ABCG4: variants seen among roughly 807,000 people sequenced by gnomAD.
ABCG4 encodes ATP binding cassette subfamily G member 4.
In ABCG4, 35 loss-of-function variants were observed where a neutral mutation model predicts 64.6. The ratio of observed to expected loss-of-function variants is 0.54; its 90% confidence interval spans 0.41 to 0.72. The LOEUF is 0.72. Among genes scored for constraint, ABCG4 ranks in the 30% least tolerant of loss-of-function variants. The pLI, the probability that ABCG4 is intolerant of heterozygous loss-of-function variation, is 0.00. For synonymous variants in ABCG4, 326 were observed against 348.2 expected (o/e 0.94, Z 0.71); for missense variants, 610 against 846.3 (o/e 0.72, Z 3.46).
rs551382399 is a variant in ABCG4 at position 119,158,440 on chromosome 11, A to G, written c.1167+108A>G. 124 of 1,549,520 alleles carry G rather than the reference A, an allele frequency of 8.0e-5. No individual in the cohort carries two copies. In the African/African-American group the frequency reaches 1.5e-3, roughly 19 times the overall value. ...GGGGACCCTCCCTCACAGCCCTGCA[A>G]TGTGCCTGTGGGGTCTCTGTGCCTG... On this transcript the variant is annotated intron_variant, in intron 10 of 14. Coordinates refer to ENST00000619701, the MANE Select transcript of ABCG4 (RefSeq NM_022169.5). The surrounding 1 kb of genome is among the most constrained non-coding windows in gnomAD (Gnocchi z 4.5).
Position 119,150,160 on chromosome 11 carries a change from G to T in ABCG4, c.195G>T (p.Glu65Asp). ...KRSAVDIEFV[E>D]LSYSVREGPC... ...CAGCCGTGGACATCGAGTTCGTGGA[G>T]CTGTCCTATTCCGTGCGGGAGGGGC... Residue 65 changes from glutamate to aspartate, a missense_variant, in exon 2 of 15, where the codon GAG becomes GAT. Glu to Asp is a conservative substitution (Grantham distance 45). Coordinates refer to ENST00000619701, the MANE Select transcript of ABCG4 (RefSeq NM_022169.5). This position sits in a 1 kb window ranked among gnomAD's most constrained non-coding sequence, Gnocchi z 4.3. 6.2e-7 allele frequency: 1 copy of T among 1,614,188 alleles called. No homozygotes were observed. The highest frequency in any genetic ancestry group is 2.2e-5 in the East Asian group (1 of 44,886).
chr11:119,155,934 A>T lies in ABCG4; in HGVS notation c.687-395A>T, dbSNP rs1277658909. 2 of 219,406 alleles carry T rather than the reference A, an allele frequency of 9.1e-6. No homozygotes were observed. Among genetic ancestry groups the T allele is most frequent in the Non-Finnish European group, 1.9e-5 (2 of 107,890 alleles). The allele number at this position is 219,406 out of a possible 1,614,324, so 13.6% of individuals were successfully genotyped here. ...CTCTTACTCCTGGGCTCGCTCAGGA[A>T]CCTTCTCTGACTACCCTCCAACACC... On this transcript the variant is annotated intron_variant, in intron 6 of 14. Coordinates refer to ENST00000619701, the MANE Select transcript of ABCG4 (RefSeq NM_022169.5). The surrounding 1 kb of genome is among the most constrained non-coding windows in gnomAD (Gnocchi z 4.5).
In ABCG4 at chr11:119,154,546, A is replaced by C. The variant is rs1235117327; in HGVS notation, c.511A>C (p.Ser171Arg). ...AMMVSANLKL[S>R]EKQEVKKELV... ...CCAGGTCTCTGCTAACCTGAAGCTG[A>C]GTGAGAAGCAGGAGGTGAAGAAGGA... is the stretch of plus-strand genomic sequence containing the variant. The change falls in exon 5 of 15, where the codon AGT becomes CGT. Residue 171 changes from serine (S) to arginine (R), a missense_variant. Transcript: ENST00000619701. This position sits in a 1 kb window ranked among gnomAD's most constrained non-coding sequence, Gnocchi z 7.0. The C allele has an allele frequency of 4.3e-6, 7 of 1,613,606 alleles. No individual in the cohort carries two copies. Among genetic ancestry groups the C allele is most frequent in the Admixed American group, 1.7e-5 (1 of 59,836 alleles).
chr11:119,153,892 G>A, intron 2 of ABCG4, 134 bp from the exon 3 acceptor site: 1 of 751,692 alleles, frequency 1.3e-6, no homozygotes. Flanking sequence ...TATAAGGGTT[G>A]TTCCTCCATC....
rs1948307770 is a variant in ABCG4 at position 119,158,922 on chromosome 11, C to A, written c.1430C>A (p.Pro477His). 6.2e-7 allele frequency: 1 copy of A among 1,614,038 alleles called. No homozygotes were observed. The highest frequency in any genetic ancestry group is 1.3e-5 in the African/African-American group (1 of 74,930). The part of the protein sequence containing the change: ...YYLAKTMADV[P>H]FQVVCPVVYC... The stretch of plus-strand genomic sequence containing the variant: ...CTGGCCAAGACCATGGCTGACGTGC[C>A]CTTTCAGGTGGGCCTCTTCCTCCCA... Residue 477 changes from proline to histidine, a missense_variant, in exon 12 of 15, where the codon CCC becomes CAC. By Grantham distance (77) the Pro-to-His change is moderately conservative. Transcript: ENST00000619701. This position sits in a 1 kb window ranked among gnomAD's most constrained non-coding sequence, Gnocchi z 4.5.
In ABCG4 at chr11:119,160,376, C is replaced by G; in HGVS notation, c.1587C>G (p.Asn529Lys). The G allele has an allele frequency of 6.2e-7, 1 of 1,610,618 alleles. No homozygotes were observed. Among genetic ancestry groups the G allele is most frequent in the Non-Finnish European group, 8.5e-7 (1 of 1,177,312 alleles). Residue 529 changes from asparagine (N) to lysine (K), a missense_variant, in exon 13 of 15, where the codon AAC becomes AAG. Transcript: ENST00000619701. The surrounding 1 kb of genome is among the most constrained non-coding windows in gnomAD (Gnocchi z 4.6). Reference protein sequence around the residue: ...SLGLLIGAASNSLQVATFVGP... With the variant: ...SLGLLIGAASKSLQVATFVGP... ...GGCTGCTGATCGGAGCTGCTTCCAACTCCCTACAGGTGGGAGGGCTGGCAG... is the reference window on the plus strand; with the variant it reads ...GGCTGCTGATCGGAGCTGCTTCCAAGTCCCTACAGGTGGGAGGGCTGGCAG...
At position 119,154,667 on chromosome 11, in the gene ABCG4, G is replaced by A; in HGVS notation, c.540+92G>A. ...CTGGGAGTGGGAGAGTGGTGGCCTA[G>A]GCCGAGACAATGCACTTAAGGGAGA... On this transcript the variant is annotated intron_variant, in intron 5 of 14. Transcript: ENST00000619701. This position sits in a 1 kb window ranked among gnomAD's most constrained non-coding sequence, Gnocchi z 7.0. 1.3e-6 allele frequency: 2 copies of A among 1,596,036 alleles called. No individual in the cohort carries two copies. Among genetic ancestry groups the A allele is most frequent in the Non-Finnish European group, 1.7e-6 (2 of 1,170,674 alleles).
chr11:119,153,877 G>A lies in ABCG4; in HGVS notation c.239-149G>A, dbSNP rs558491860. On this transcript the variant is annotated intron_variant, in intron 2 of 14. Transcript: ENST00000619701. ...GGGATGAGAGGGATGGGTTCCTGCC[G>A]GGGCTATAAGGGTTGTTCCTCCATC... The A allele has an allele frequency of 6.0e-4, 411 of 689,780 alleles. 8 individuals carry two copies. In the South Asian group the frequency reaches 6.5e-3, roughly 11 times the overall value. The allele number at this position is 689,780 out of a possible 1,614,324, so 42.7% of individuals were successfully genotyped here.
At position 119,156,603 on chromosome 11, in the gene ABCG4, G is replaced by A. The variant is rs764288490; in HGVS notation, c.850G>A (p.Val284Met). The A allele has an allele frequency of 4.9e-5, 79 of 1,614,156 alleles. No homozygotes were observed. Among genetic ancestry groups the A allele is most frequent in the South Asian group, 2.6e-4 (24 of 91,080 alleles). Reference sequence around the variant, plus strand: ...CCAGGGTCAGTGCATCTTCAAAGGCGTGGTCACCAACCTGATCCCCTATCT... The same window carrying A: ...CCAGGGTCAGTGCATCTTCAAAGGCATGGTCACCAACCTGATCCCCTATCT... ...LSQGQCIFKG[V>M]VTNLIPYLKG... The change falls in exon 8 of 15, where the codon GTG becomes ATG. Residue 284 changes from valine (V) to methionine (M), a missense_variant. Transcript: ENST00000619701. This position sits in a 1 kb window ranked among gnomAD's most constrained non-coding sequence, Gnocchi z 5.5.
At chr11:119,153,863 G>T in intron 2 of ABCG4, 163 bp from the exon 3 acceptor site, 2 of 663,204 alleles carry the variant, frequency 3.0e-6, no homozygotes, top group Non-Finnish European at 2.7e-6. Flanking sequence ...GGATGAGAGG[G>T]ATGGGTTCCT....
intron 2 of ABCG4, among the ~76,000 whole-genome samples, chr11:119,152,049 T>C (rs190857019): frequency 2.0e-4 from 31 of 152,354 alleles, no homozygotes; most frequent in Middle Eastern, 3.4e-3. Flanking sequence ...CTGTAATTAA[T>C]TGAGGGGAAG....
chr11:119,159,002 C>G, intron 12 of ABCG4, 73 bp downstream of exon 12: 1 of 1,444,690 alleles, frequency 6.9e-7, no homozygotes, highest in South Asian at 1.1e-5. Context: ...TTCTTGCCTC[C>G]CTCAAACTTG....
At chr11:119,153,788 C>A in intron 2 of ABCG4, 1 of 516,082 alleles carries the variant, frequency 1.9e-6, no homozygotes, top group South Asian at 2.4e-5. Flanking sequence ...TTTTCCCACG[C>A]CTTTCAGAAG....
chr11:119,160,635 G>A lies in ABCG4; in HGVS notation c.1694G>A (p.Ser565Asn), dbSNP rs933263501. The change falls in exon 14 of 15, where the codon AGC becomes AAC. Residue 565 changes from serine to asparagine, a missense_variant. By Grantham distance (46) the Ser-to-Asn change is conservative (BLOSUM62 1). Coordinates refer to ENST00000619701, the MANE Select transcript of ABCG4 (RefSeq NM_022169.5). The surrounding 1 kb of genome is among the most constrained non-coding windows in gnomAD (Gnocchi z 4.6). The stretch of plus-strand genomic sequence containing the variant: ...ACCATCCCCACTTACCTGCAATGGA[G>A]CTCCTATCTCTCCTATGTCAGGTCA... ...FKTIPTYLQW[S>N]SYLSYVRYGF... 2 of 1,613,624 alleles carry A rather than the reference G, an allele frequency of 1.2e-6. No homozygotes were observed. The highest frequency in any genetic ancestry group is 1.7e-6 in the Non-Finnish European group (2 of 1,179,826).
Position 119,160,557 on chromosome 11 carries a change from C to T in ABCG4, c.1616C>T (p.Pro539Leu). Reference protein sequence around the residue: ...NSLQVATFVGPVTAIPVLLFS... With the variant: ...NSLQVATFVGLVTAIPVLLFS... ...CTCTAGGTGGCCACTTTTGTGGGCC[C>T]AGTTACCGCCATCCCTGTCCTCTTG... The change falls in exon 14 of 15, where the codon CCA becomes CTA. Residue 539 changes from proline to leucine, a missense_variant. Physicochemically the swap from Pro to Leu is moderately conservative, Grantham distance 98. Transcript: ENST00000619701. The surrounding 1 kb of genome is among the most constrained non-coding windows in gnomAD (Gnocchi z 4.6). 1 of 1,611,444 alleles carries T rather than the reference C, an allele frequency of 6.2e-7. No homozygotes were observed. Among genetic ancestry groups the T allele is most frequent in the Non-Finnish European group, 8.5e-7 (1 of 1,179,934 alleles).
In ABCG4 at chr11:119,161,163, C is replaced by T; in HGVS notation, c.*57C>T. 1 of 1,511,448 alleles carries T rather than the reference C, an allele frequency of 6.6e-7. No homozygotes were observed. 93.6% of individuals were successfully genotyped at this position (1,511,448 alleles called of 1,614,324 possible). The stretch of plus-strand genomic sequence containing the variant: ...CAGCAGGAAGCCCCCAGTCCCAGCC[C>T]TTTGGGACTGTTTTAACCTTATAGA... On this transcript the variant is annotated 3_prime_UTR_variant, in exon 15 of 15. Transcript: ENST00000619701.
At position 119,161,373 on chromosome 11, in the gene ABCG4, G is replaced by A; in HGVS notation, c.*267G>A. 2.5e-6 allele frequency: 1 copy of A among 392,744 alleles called. No individual in the cohort carries two copies. The allele number at this position is 392,744 out of a possible 1,614,324, so 24.3% of individuals were successfully genotyped here. ...TCCCTACTCTCTCCAACACCTGCAT[G>A]CAAAGACTACTGGGAGGCTGCTGCC... On this transcript the variant is annotated 3_prime_UTR_variant, in exon 15 of 15. Transcript: ENST00000619701.
At chr11:119,159,679 C>A (rs1948318783) in intron 12 of ABCG4, among the ~76,000 whole-genome samples, 1 of 152,172 alleles carries the variant, frequency 6.6e-6, no homozygotes. Context: ...TCAGGGCCAC[C>A]AGTAATCCAT....
At chr11:119,157,738 C>T (rs1365023098) in intron 9 of ABCG4, among the ~76,000 whole-genome samples, 6 of 150,972 alleles carry the variant, frequency 4.0e-5, no homozygotes, top group African/African-American at 9.8e-5. Context: ...TGGTGGCGGG[C>T]GCCTGTAGTC....
Sources: allele counts gnomAD v4.1 joint callset (sites outside exome capture counted in the v4.1 genomes callset), GRCh38; gene constraint gnomAD v4.1.1; non-coding constraint Gnocchi (gnomAD v3.1); transcripts MANE v1.5; gene names NCBI Gene and HGNC (gene_info 2026-07-23, HGNC 2026-07-21).